The following FRAS1 variants were observed in gnomAD, a reference collection of about 807,000 sequenced individuals.
FRAS1 encodes Fraser extracellular matrix complex subunit 1.
FRAS1 carries 290 observed loss-of-function variants against 435.2 expected under a neutral mutation model. The ratio of observed to expected loss-of-function variants is 0.67; its 90% CI spans 0.61 to 0.73. The LOEUF (loss-of-function observed/expected upper bound fraction) is 0.73, where lower values mean the gene tolerates loss of function less well. FRAS1 is among the 30% of genes least tolerant of loss of function. The pLI is 0.00. For missense variants in FRAS1, 4,860 were observed against 5,001.5 expected (o/e 0.97, Z 0.85); for synonymous variants, 1,800 against 1,851.0 (o/e 0.97, Z 0.71).
intron 14 of FRAS1, among the ~76,000 whole-genome samples, chr4:78,289,983 A>G (rs1349010783): frequency 6.6e-6 from 1 of 152,178 alleles, no homozygotes; most frequent in Non-Finnish European, 1.5e-5. Flanking sequence ...ATCCAGGTGG[A>G]ACTCGCCAGG....
intron 56 of FRAS1, 73 bp from the exon 57 acceptor site, chr4:78,481,731 A>G: frequency 6.5e-7 from 1 of 1,531,750 alleles, no homozygotes; most frequent in South Asian, 1.1e-5. Flanking sequence ...GTGAGGGAGA[A>G]CATCATTCTG....
intron 19 of FRAS1, among the ~76,000 whole-genome samples, chr4:78,335,849 G>T (rs1209983246): frequency 6.6e-6 from 1 of 151,256 alleles, no homozygotes; most frequent in African/African-American, 2.4e-5. Flanking sequence ...GAATTTTGTT[G>T]GAATTGACAC....
chr4:78,540,967 G>C lies in FRAS1; in HGVS notation c.11882G>C (p.Arg3961Pro). ...GAAGTGCCCAAGAGGCACCCGGACC[G>C]GGTGGAGAAGAACGTGAATAGACAC... ...KVEVPKRHPD[R>P]VEKNVNRHYC... The change falls in exon 74 of 74, where the codon CGG (arginine) becomes CCG (proline). Residue 3961 changes from arginine to proline, a missense_variant. By Grantham distance (103) the Arg-to-Pro change is moderately radical. Transcript: ENST00000512123. The C allele has an allele frequency of 1.9e-6, 3 of 1,613,630 alleles. No homozygotes were observed. The highest frequency in any genetic ancestry group is 2.2e-5 in the South Asian group (2 of 91,050).
At chr4:78,361,610 C>G (rs541585319) in intron 20 of FRAS1, among the ~76,000 whole-genome samples, 1 of 152,230 alleles carries the variant, frequency 6.6e-6, no homozygotes, top group African/African-American at 2.4e-5. Context: ...GCTTCGTGTA[C>G]AGGGAACACA....
chr4:78,445,443 G>C, intron 41 of FRAS1, 79 bp from the exon 42 acceptor site: 1 of 1,433,424 alleles, frequency 7.0e-7, no homozygotes, highest in Non-Finnish European at 9.2e-7. Context: ...TGCCGAAAAT[G>C]ATACCTTGTT....
Position 78,262,166 on chromosome 4 carries a change from A to G in FRAS1, c.604-2859A>G, listed in dbSNP as rs148560655. Among the ~76,000 whole-genome samples the G allele has an allele frequency of 5.7e-3, 872 of 152,268 alleles. 9 individuals carry two copies. The highest frequency in any genetic ancestry group is 0.02 in the African/African-American group (821 of 41,544). On this transcript the variant is annotated intron_variant, in intron 6 of 73. Coordinates refer to ENST00000512123, the MANE Select transcript of FRAS1 (RefSeq NM_025074.7). ...TGCCCAGCCCTCTTATCTTCTGATCACATGGAACAAAAAACTCAGATCCTC... is the reference window on the plus strand; with the variant it reads ...TGCCCAGCCCTCTTATCTTCTGATCGCATGGAACAAAAAACTCAGATCCTC...
chr4:78,286,416 CA>C lies in FRAS1; in HGVS notation c.1412del (p.Gln471ArgfsTer19). The C allele has an allele frequency of 6.2e-7, 1 of 1,613,600 alleles. No individual in the cohort carries two copies. Among genetic ancestry groups the C allele is most frequent in the Non-Finnish European group, 8.5e-7 (1 of 1,179,888 alleles). On this transcript the variant is annotated frameshift_variant, in exon 14 of 74. Transcript: ENST00000512123. LOFTEE classifies it high-confidence loss of function. Reference protein sequence around the residue: ...AGSLCLACQPQCSTCTSGLEC... With the variant: ...AGSLCLACQPXCSTCTSGLEC... ...TTATCTGGAGTCAGCCTGCCAGCCC[CA>C]GTGCTCCACGTGTACCAGTGGGCTG...
At chr4:78,424,905 G>A (rs1278300817) in intron 35 of FRAS1, among the ~76,000 whole-genome samples, 4 of 151,736 alleles carry the variant, frequency 2.6e-5, no homozygotes, top group Non-Finnish European at 5.9e-5. Flanking sequence ...ACTGCAGCTT[G>A]GACAATAGTG....
At chr4:78,383,322 C>A (rs1732094002) in intron 27 of FRAS1, among the ~76,000 whole-genome samples, 1 of 152,142 alleles carries the variant, frequency 6.6e-6, no homozygotes, top group Admixed American at 6.5e-5. Context: ...GAAGCAAGGA[C>A]TGGGAAGGGG....
rs1733408052 is a variant in FRAS1 at position 78,413,059 on chromosome 4, T to A, written c.4399T>A (p.Ser1467Thr). The change falls in exon 32 of 74, where the codon TCT becomes ACT. Residue 1467 changes from serine to threonine, a missense_variant. Ser to Thr is a moderately conservative substitution (Grantham distance 58). Transcript: ENST00000512123. ...LPQTPEAPKV[S>T]LEASLHMTAR... ...ACAGACACCTGAAGCACCTAAAGTGTCTCTGGAAGCATCTCTCCATATGAC... is the reference window on the plus strand; with the variant it reads ...ACAGACACCTGAAGCACCTAAAGTGACTCTGGAAGCATCTCTCCATATGAC... The A allele has an allele frequency of 5.6e-6, 9 of 1,609,840 alleles. No homozygotes were observed. Among genetic ancestry groups the A allele is most frequent in the Non-Finnish European group, 6.8e-6 (8 of 1,177,984 alleles).
intron 36 of FRAS1, 54 bp downstream of exon 36, chr4:78,429,280 T>G: frequency 6.4e-7 from 1 of 1,554,344 alleles, no homozygotes; most frequent in South Asian, 1.2e-5. Flanking sequence ...ATCATATTGC[T>G]GCCCCTCTTC....
chr4:78,324,618 T>C (rs1162335192), intron 18 of FRAS1, among the ~76,000 whole-genome samples: 3 of 152,004 alleles, frequency 2.0e-5, no homozygotes, highest in African/African-American at 7.2e-5. Flanking sequence ...AAGTAAAGAA[T>C]GATTTAGCAA....
At position 78,158,857 on chromosome 4, in the gene FRAS1, G is replaced by A. The variant is rs377485002; in HGVS notation, c.109-78653G>A. ...CTGCCGTTCCGTCTTTACATCTCCCGTTGGAGCATGGCTGTTGCATTGACA... is the reference window on the plus strand; with the variant it reads ...CTGCCGTTCCGTCTTTACATCTCCCATTGGAGCATGGCTGTTGCATTGACA... On this transcript the variant is annotated intron_variant, in intron 2 of 73. Transcript: ENST00000512123. Among the ~76,000 whole-genome samples the A allele has an allele frequency of 3.1e-4, 47 of 152,230 alleles. No individual in the cohort carries two copies. In the East Asian group the frequency reaches 5.8e-3, roughly 19 times the overall value.
At chr4:78,422,166 T>C (rs1188224309) in intron 34 of FRAS1, among the ~76,000 whole-genome samples, 166 bp downstream of exon 34, 1 of 151,560 alleles carries the variant, frequency 6.6e-6, no homozygotes, top group African/African-American at 2.4e-5. Flanking sequence ...TTGAACTCAG[T>C]TCCATCTTTT....
chr4:78,519,931 CAA>C lies in FRAS1; in HGVS notation c.10540+452_10540+453del, dbSNP rs138107074. ...CAAGTAGCCCACTTTATTCATTTGG[CAA>C]AGAGTCTGCTCTTTAATTGCATCCT... On this transcript the variant is annotated intron_variant, in intron 67 of 73. Coordinates refer to ENST00000512123, the MANE Select transcript of FRAS1 (RefSeq NM_025074.7). 4.3e-3 allele frequency among the ~76,000 whole-genome samples: 662 copies of C among 152,286 alleles called. 6 individuals are homozygous for C. Among genetic ancestry groups the C allele is most frequent in the African/African-American group, 0.015 (618 of 41,560 alleles).
chr4:78,115,254 C>T (rs1205493478), intron 2 of FRAS1, among the ~76,000 whole-genome samples: 1 of 152,124 alleles, frequency 6.6e-6, no homozygotes, highest in Non-Finnish European at 1.5e-5. Context: ...AGGATTTTTG[C>T]ATCCATGTTC....
At chr4:78,184,963 A>G (rs1722211795) in intron 2 of FRAS1, among the ~76,000 whole-genome samples, 2 of 152,202 alleles carry the variant, frequency 1.3e-5, no homozygotes, top group African/African-American at 4.8e-5. Context: ...CCCTGTTGAC[A>G]TGAAAAACCA....
chr4:78,252,946 C>T (rs941698190), intron 5 of FRAS1, among the ~76,000 whole-genome samples: 4 of 152,118 alleles, frequency 2.6e-5, no homozygotes, highest in Admixed American at 2.0e-4. Context: ...AACATCTTAA[C>T]GGAAAACAGG....
chr4:78,482,898 A>G (rs1720055796), intron 58 of FRAS1, among the ~76,000 whole-genome samples: 1 of 152,228 alleles, frequency 6.6e-6, no homozygotes, highest in African/African-American at 2.4e-5. Flanking sequence ...CTGAACAGGA[A>G]CTACAAGTGG....
Sources: allele counts gnomAD v4.1 joint callset (sites outside exome capture counted in the v4.1 genomes callset), GRCh38; gene constraint gnomAD v4.1.1; transcripts MANE v1.5; gene names NCBI Gene and HGNC (gene_info 2026-07-23, HGNC 2026-07-21).